Variants in UBE2E1 observed in about 807,000 individuals in gnomAD.
The protein encoded by UBE2E1 is ubiquitin-conjugating enzyme E2 E1.
UBE2E1 carries 6 observed loss-of-function variants against 21.4 expected under a neutral mutation model. The ratio of observed to expected loss-of-function variants is 0.28; its 90% CI spans 0.15 to 0.55. The LOEUF is 0.55. Ranked by LOEUF, UBE2E1 falls within the 20% of genes least tolerant of loss-of-function variation. The pLI, the probability that UBE2E1 is intolerant of heterozygous loss-of-function variation, is 0.93. For missense variants in UBE2E1, 142 were observed against 236.5 expected (o/e 0.60, Z 2.62); for synonymous variants, 87 against 82.7 (o/e 1.05, Z -0.28).
intron 3 of UBE2E1, chr3:23,879,297 G>A: frequency 3.4e-6 from 3 of 887,272 alleles, no homozygotes; most frequent in Non-Finnish European, 1.7e-6. Flanking sequence ...AAAAGGGACT[G>A]TTTTAGAATT....
At chr3:23,838,900 T>C (rs1444665931) in intron 3 of UBE2E1, among the ~76,000 whole-genome samples, 2 of 151,464 alleles carry the variant, frequency 1.3e-5, no homozygotes, top group Non-Finnish European at 2.9e-5. Flanking sequence ...AATGATACTA[T>C]ATTAATTAAT....
intron 3 of UBE2E1, among the ~76,000 whole-genome samples, chr3:23,843,403 T>C (rs977255256): frequency 7.2e-5 from 11 of 152,238 alleles, no homozygotes; most frequent in African/African-American, 2.7e-4. Context: ...ACCATTCACA[T>C]AATGATAATA....
intron 3 of UBE2E1, among the ~76,000 whole-genome samples, chr3:23,882,848 C>G (rs1482490758): frequency 6.6e-6 from 1 of 152,200 alleles, no homozygotes. Flanking sequence ...CTGCCAAGTC[C>G]ACGCCCACCC....
intron 3 of UBE2E1, among the ~76,000 whole-genome samples, chr3:23,881,907 A>G (rs1393024536): frequency 1.3e-5 from 2 of 151,910 alleles, no homozygotes; most frequent in Non-Finnish European, 2.9e-5. Flanking sequence ...GGTGAGTGTT[A>G]CAGCTTTTAA....
intron 4 of UBE2E1, among the ~76,000 whole-genome samples, chr3:23,888,451 T>C (rs1477567928): frequency 6.6e-6 from 1 of 152,248 alleles, no homozygotes. Context: ...TGTGTTTTGG[T>C]ATATTTCACA....
chr3:23,824,700 A>G (rs1699718882), intron 3 of UBE2E1, among the ~76,000 whole-genome samples: 1 of 152,222 alleles, frequency 6.6e-6, no homozygotes, highest in Non-Finnish European at 1.5e-5. Flanking sequence ...AGTATACCTA[A>G]TAACAGTCTT....
At chr3:23,883,863 C>T (rs1299964105) in intron 3 of UBE2E1, among the ~76,000 whole-genome samples, 2 of 146,354 alleles carry the variant, frequency 1.4e-5, no homozygotes. Context: ...TTGCAGTGAG[C>T]TGAGATCATG....
intron 3 of UBE2E1, among the ~76,000 whole-genome samples, chr3:23,820,782 T>C (rs986598817): frequency 3.3e-5 from 5 of 152,216 alleles, no homozygotes; most frequent in African/African-American, 4.8e-5. Flanking sequence ...TAGAGTCTAC[T>C]AGCATTGAAA....
chr3:23,862,787 G>T (rs1004189087), intron 3 of UBE2E1, among the ~76,000 whole-genome samples: 10 of 152,070 alleles, frequency 6.6e-5, no homozygotes, highest in Non-Finnish European at 1.2e-4. Context: ...ATGTAGTGGT[G>T]CCATCACGGC....
chr3:23,810,086 G>A lies in UBE2E1; in HGVS notation c.153-1374G>A, dbSNP rs1481411587. 6.6e-6 allele frequency among the ~76,000 whole-genome samples: 1 copy of A among 152,136 alleles called. No individual in the cohort carries two copies. On this transcript the variant is annotated intron_variant, in intron 2 of 5. Coordinates refer to ENST00000306627, the MANE Select transcript of UBE2E1 (RefSeq NM_003341.5). The surrounding 1 kb of genome is among the most constrained non-coding windows in gnomAD (Gnocchi z 5.8). ...ATATAGCTCGTCCGTCCTCCTACCCGCAGAAAACCTTTGGAAAGGAAAACG... is the reference window on the plus strand; with the variant it reads ...ATATAGCTCGTCCGTCCTCCTACCCACAGAAAACCTTTGGAAAGGAAAACG...
At position 23,870,468 on chromosome 3, in the gene UBE2E1, G is replaced by A. The variant is rs1170415211; in HGVS notation, c.204-17099G>A. On this transcript the variant is annotated intron_variant, in intron 3 of 5. Transcript: ENST00000306627. This position sits in a 1 kb window ranked among gnomAD's most constrained non-coding sequence, Gnocchi z 4.2. Reference sequence around the variant, plus strand: ...TACCTGTATTTCTGCCTATTGCTATGGGCAGAGCAGCTTTAAGCACAGAGG... The same window carrying A: ...TACCTGTATTTCTGCCTATTGCTATAGGCAGAGCAGCTTTAAGCACAGAGG... Among the ~76,000 whole-genome samples the A allele has an allele frequency of 1.3e-5, 2 of 152,138 alleles. No individual in the cohort carries two copies. Among genetic ancestry groups the A allele is most frequent in the Non-Finnish European group, 2.9e-5 (2 of 68,028 alleles).
At chr3:23,849,760 A>T (rs1415990158) in intron 3 of UBE2E1, among the ~76,000 whole-genome samples, 1 of 152,076 alleles carries the variant, frequency 6.6e-6, no homozygotes, top group African/African-American at 2.4e-5. Context: ...TCTATCATTG[A>T]TGGGAATTTG....
At chr3:23,885,242 C>G (rs890125687) in intron 3 of UBE2E1, among the ~76,000 whole-genome samples, 5 of 152,138 alleles carry the variant, frequency 3.3e-5, no homozygotes, top group Admixed American at 6.5e-5. Context: ...ATTTCTACCC[C>G]CTAACCCAGT....
chr3:23,854,711 T>C (rs1700400084), intron 3 of UBE2E1, among the ~76,000 whole-genome samples: 2 of 152,228 alleles, frequency 1.3e-5, no homozygotes, highest in East Asian at 3.8e-4. Context: ...CAATAACTTT[T>C]GTGTGTGCTC....
At chr3:23,814,297 A>G (rs1699464378) in intron 3 of UBE2E1, among the ~76,000 whole-genome samples, 1 of 152,240 alleles carries the variant, frequency 6.6e-6, no homozygotes, top group Admixed American at 6.5e-5. Flanking sequence ...CAATTGCTCA[A>G]TATGTTATAA....
chr3:23,844,350 C>T (rs114855906), intron 3 of UBE2E1, among the ~76,000 whole-genome samples: 100 of 152,192 alleles, frequency 6.6e-4, no homozygotes, highest in Middle Eastern at 3.4e-3. Flanking sequence ...ATGCCTAATT[C>T]TTTCTTACAT....
In UBE2E1 at chr3:23,871,687, C is replaced by T. The variant is rs1700795261; in HGVS notation, c.204-15880C>T. On this transcript the variant is annotated intron_variant, in intron 3 of 5. Coordinates refer to ENST00000306627, the MANE Select transcript of UBE2E1 (RefSeq NM_003341.5). ...GGCCGGGCAGAGACACTCCTCACCT[C>T]CCAGACGGGGTCGCGGCCGGGTAGA... 2.0e-5 allele frequency among the ~76,000 whole-genome samples: 3 copies of T among 151,914 alleles called. No homozygotes were observed. In the South Asian group the frequency reaches 6.2e-4, roughly 32 times the overall value.
chr3:23,817,599 T>A (rs1057269701), intron 3 of UBE2E1, among the ~76,000 whole-genome samples: 26 of 152,194 alleles, frequency 1.7e-4, no homozygotes, highest in African/African-American at 5.8e-4. Context: ...AGTGAGAGAT[T>A]ACTTTGACTT....
At chr3:23,879,777 T>TATCTTCCC (rs1700995764) in intron 3 of UBE2E1, among the ~76,000 whole-genome samples, 1 of 152,244 alleles carries the variant, frequency 6.6e-6, no homozygotes, top group Non-Finnish European at 1.5e-5. Flanking sequence ...CTTATCTTCC[T>TATCTTCCC]ATCTTCCCAG....
Sources: gnomAD v4.1 joint callset for allele counts (sites outside exome capture counted in the v4.1 genomes callset) on GRCh38, gnomAD v4.1.1 for gene constraint, Gnocchi (gnomAD v3.1) non-coding constraint, MANE v1.5 for transcripts, NCBI Gene and HGNC (gene_info 2026-07-23, HGNC 2026-07-21) for gene names.